The following MAML2 variants were observed in gnomAD, a reference collection of about 807,000 sequenced individuals.
MAML2 encodes mastermind like transcriptional coactivator 2, also known as mastermind-like protein 2.
Under a neutral mutation model 96.1 loss-of-function variants are expected in MAML2, and 22 were observed. The ratio of observed to expected loss-of-function variants is 0.23; its 90% CI spans 0.16 to 0.33. MAML2 has a LOEUF of 0.33. Among genes scored for constraint, MAML2 ranks in the 10% least tolerant of loss-of-function variants. MAML2 has a pLI of 1.00. For missense variants in MAML2, 1,367 were observed against 1,392.4 expected (o/e 0.98, Z 0.29); for synonymous variants, 561 against 521.3 (o/e 1.08, Z -1.04).
chr11:96,300,410 C>G (rs1328074926), intron 1 of MAML2, among the ~76,000 whole-genome samples: 1 of 152,020 alleles, frequency 6.6e-6, no homozygotes, highest in Non-Finnish European at 1.5e-5. Context: ...TGATCGGTGC[C>G]CATTGCAAAG....
intron 2 of MAML2, among the ~76,000 whole-genome samples, chr11:96,059,604 TG>T (rs1859122853): frequency 6.6e-6 from 1 of 152,136 alleles, no homozygotes; most frequent in Non-Finnish European, 1.5e-5. Flanking sequence ...TTCTCTTTTT[TG>T]GGGGTGGGGA....
chr11:96,185,236 C>T (rs16923219), intron 1 of MAML2, among the ~76,000 whole-genome samples: 2,922 of 150,694 alleles, frequency 0.019, 100 homozygotes, highest in African/African-American at 0.069. Flanking sequence ...TTTGGTTACA[C>T]GCAGTTGTCA....
chr11:96,336,983 A>G (rs1171717958), intron 1 of MAML2, among the ~76,000 whole-genome samples: 2 of 152,222 alleles, frequency 1.3e-5, no homozygotes, highest in African/African-American at 4.8e-5. Context: ...CTTGGTTTAC[A>G]TGATAACATC....
chr11:95,979,457 T>C lies in MAML2; in HGVS notation c.2962A>G (p.Thr988Ala), dbSNP rs964275465. 6.2e-7 allele frequency: 1 copy of C among 1,613,664 alleles called. No individual in the cohort carries two copies. Among genetic ancestry groups the C allele is most frequent in the East Asian group, 2.2e-5 (1 of 44,862 alleles). ...ALTSAGVRFP[T>A]GTPAAYTPNQ... ...GGGGTATAGGCTGCAGGTGTACCTG[T>C]GGGGAAGCGGACTCCTGCAGACGTC... The change falls in exon 5 of 5, where the codon ACA (threonine) becomes GCA (alanine). Residue 988 changes from threonine to alanine, a missense_variant. Coordinates refer to ENST00000524717, the MANE Select transcript of MAML2 (RefSeq NM_032427.4).
At chr11:96,169,965 T>C (rs752451508) in intron 1 of MAML2, among the ~76,000 whole-genome samples, 12 of 152,274 alleles carry the variant, frequency 7.9e-5, no homozygotes, top group Non-Finnish European at 1.8e-4. Flanking sequence ...TAAAACTTTA[T>C]TCTTCTAGTA....
intron 1 of MAML2, among the ~76,000 whole-genome samples, chr11:96,109,020 C>CAAA (rs10694455): frequency 0.31 from 44,651 of 144,416 alleles, 7,181 homozygotes; most frequent in Middle Eastern, 0.45. Flanking sequence ...TTGAGTGTTT[C>CAAA]AAAAAAAAAA....
At chr11:95,991,379 T>G in intron 3 of MAML2, 141 bp downstream of exon 3, 1 of 770,990 alleles carries the variant, frequency 1.3e-6, no homozygotes, top group Non-Finnish European at 2.2e-6. Context: ...GTACACTAAA[T>G]GTATGGAATT....
At chr11:96,243,073 CT>C (rs1449696227) in intron 1 of MAML2, among the ~76,000 whole-genome samples, 3 of 151,976 alleles carry the variant, frequency 2.0e-5, no homozygotes, top group African/African-American at 7.2e-5. Context: ...CACACACCCC[CT>C]CTTTGTTAAA....
chr11:96,122,954 T>A (rs899420417), intron 1 of MAML2, among the ~76,000 whole-genome samples: 9 of 152,202 alleles, frequency 5.9e-5, no homozygotes, highest in Admixed American at 5.2e-4. Context: ...GATTTCTGAG[T>A]GATGTCATTC....
chr11:96,264,844 T>C (rs1349180858), intron 1 of MAML2, among the ~76,000 whole-genome samples: 1 of 152,214 alleles, frequency 6.6e-6, no homozygotes, highest in Non-Finnish European at 1.5e-5. Context: ...CATATCTTAT[T>C]TCGGCATAGG....
chr11:96,062,448 C>A (rs1428766959), intron 2 of MAML2, among the ~76,000 whole-genome samples: 1 of 152,146 alleles, frequency 6.6e-6, no homozygotes, highest in Non-Finnish European at 1.5e-5. Flanking sequence ...CTGGAAATAA[C>A]CTTGTAACAG....
At chr11:96,009,799 C>T (rs532661959) in intron 2 of MAML2, among the ~76,000 whole-genome samples, 3 of 152,258 alleles carry the variant, frequency 2.0e-5, no homozygotes, top group Non-Finnish European at 2.9e-5. Flanking sequence ...TATTTTGATA[C>T]GTTTTCCCCC....
intron 2 of MAML2, among the ~76,000 whole-genome samples, chr11:96,022,722 T>C (rs941743628): frequency 1.3e-5 from 2 of 152,210 alleles, no homozygotes. Flanking sequence ...AAAATGAAGC[T>C]AATTATATGT....
chr11:96,317,525 A>G (rs1460891341), intron 1 of MAML2, among the ~76,000 whole-genome samples: 1 of 152,212 alleles, frequency 6.6e-6, no homozygotes, highest in Admixed American at 6.5e-5. Flanking sequence ...TCCCTTTACC[A>G]AAACATACCA....
chr11:95,986,875 G>A (rs549895448), intron 3 of MAML2, among the ~76,000 whole-genome samples: 1 of 152,144 alleles, frequency 6.6e-6, no homozygotes, highest in East Asian at 1.9e-4. Flanking sequence ...TTTAGAATAG[G>A]TGACTTTGGA....
chr11:96,306,741 G>A (rs886848764), intron 1 of MAML2, among the ~76,000 whole-genome samples: 2 of 152,090 alleles, frequency 1.3e-5, no homozygotes, highest in Non-Finnish European at 2.9e-5. Context: ...TTTCCTTGAG[G>A]CTGAGTCAAG....
intron 1 of MAML2, among the ~76,000 whole-genome samples, chr11:96,107,789 A>G (rs1453801697): frequency 1.3e-5 from 2 of 152,142 alleles, no homozygotes; most frequent in Non-Finnish European, 2.9e-5. Flanking sequence ...AAAATCCAAA[A>G]GGACAGGGTT....
chr11:96,173,834 G>A (rs937414548), intron 1 of MAML2, among the ~76,000 whole-genome samples: 5 of 152,178 alleles, frequency 3.3e-5, no homozygotes, highest in African/African-American at 4.8e-5. Flanking sequence ...ATTCTGATTA[G>A]AACTGCTTCT....
intron 2 of MAML2, among the ~76,000 whole-genome samples, chr11:95,998,141 A>AGTCTGTCTGTCTGTCTGTCTGTCT (rs200511361): frequency 0.019 from 2,667 of 143,488 alleles, 29 homozygotes; most frequent in Non-Finnish European, 0.029. Context: ...TCTGTCTGTC[A>AGTCTGTCTGTCTGTCTGTCTGTCT]GTCTGTCTGT....
Sources: gnomAD v4.1 joint callset for allele counts (sites outside exome capture counted in the v4.1 genomes callset) on GRCh38, gnomAD v4.1.1 for gene constraint, MANE v1.5 for transcripts, NCBI Gene and HGNC (gene_info 2026-07-23, HGNC 2026-07-21) for gene names.